Variants in SIRT2 observed in about 807,000 individuals in gnomAD.
SIRT2 encodes the protein NAD-dependent protein deacetylase sirtuin-2.
SIRT2 carries 40 observed loss-of-function variants against 57.4 expected under a neutral mutation model. The ratio of observed to expected loss-of-function variants is 0.70; its 90% CI spans 0.54 to 0.91. SIRT2 has a LOEUF of 0.91. SIRT2 is among the 40% of genes least tolerant of loss of function. SIRT2 has a pLI of 0.00. For missense variants in SIRT2, 439 were observed against 510.4 expected (o/e 0.86, Z 1.35); for synonymous variants, 161 against 195.7 (o/e 0.82, Z 1.48).
At chr19:38,885,161 C>CT (rs1973286043) in intron 8 of SIRT2, among the ~76,000 whole-genome samples, 1 of 151,708 alleles carries the variant, frequency 6.6e-6, no homozygotes, top group African/African-American at 2.4e-5. Context: ...TCACAGCTCA[C>CT]TGTAGCCTTC....
Position 38,881,111 on chromosome 19 carries a change from A to G in SIRT2, c.736T>C (p.Cys246Arg), listed in dbSNP as rs1471244776. Reference sequence around the variant, plus strand: ...GGGGGGCCACTTACTGACTGCATACAGGAGAAGAAACGCGCTGGGAGGCTC... The same window carrying G: ...GGGGGGCCACTTACTGACTGCATACGGGAGAAGAAACGCGCTGGGAGGCTC... ...GESLPARFFS[C>R]MQSDFLKVDL... The change falls in exon 11 of 16, where the codon TGT becomes CGT. Residue 246 changes from cysteine to arginine, a missense_variant. By Grantham distance (180) the Cys-to-Arg change is radical. Coordinates refer to ENST00000249396, the MANE Select transcript of SIRT2 (RefSeq NM_012237.4). 6 of 1,613,426 alleles carry G rather than the reference A, an allele frequency of 3.7e-6. No individual in the cohort carries two copies. Among genetic ancestry groups the G allele is most frequent in the Non-Finnish European group, 5.1e-6 (6 of 1,179,796 alleles).
rs202164174 is a variant in SIRT2, at chr19:38,883,768, G to A, written c.502-12C>T. On this transcript the variant is annotated splice_polypyrimidine_tract_variant and intron_variant, in intron 8 of 15. Transcript: ENST00000249396. The stretch of plus-strand genomic sequence containing the variant: ...AGGGTATCTATGTTCTAGAGGGAGA[G>A]ATGGAGGGAAGAGGGGTGAGGAGTG... 67 of 1,613,694 alleles carry A rather than the reference G, an allele frequency of 4.2e-5. No homozygotes were observed. The highest frequency in any genetic ancestry group is 5.7e-5 in the Non-Finnish European group (67 of 1,179,804).
At chr19:38,882,909 T>G (rs571206398) in intron 9 of SIRT2, among the ~76,000 whole-genome samples, 16 of 152,024 alleles carry the variant, frequency 1.1e-4, no homozygotes, top group Non-Finnish European at 1.9e-4. Context: ...TCAGGAATCC[T>G]CAGCCCAGGG....
chr19:38,892,675 ACAATC>A (rs1321061879), intron 4 of SIRT2, among the ~76,000 whole-genome samples: 1 of 151,892 alleles, frequency 6.6e-6, no homozygotes, highest in South Asian at 2.1e-4. Flanking sequence ...CTGGGCTCAA[ACAATC>A]CTCCCTTCTC....
intron 8 of SIRT2, 67 bp from the exon 9 acceptor site, chr19:38,883,823 T>C: frequency 1.3e-6 from 2 of 1,575,846 alleles, no homozygotes; most frequent in East Asian, 2.3e-5. Flanking sequence ...GAAGGCACAG[T>C]AGGGAGTTGA....
chr19:38,893,314 T>C (rs1445353838), intron 4 of SIRT2, 100 bp downstream of exon 4: 3 of 766,314 alleles, frequency 3.9e-6, no homozygotes, highest in Non-Finnish European at 6.8e-6. Flanking sequence ...TTGCTACTTA[T>C]AAAGAAAAGG....
chr19:38,895,444 C>T (rs1973686315), intron 2 of SIRT2, among the ~76,000 whole-genome samples: 1 of 152,168 alleles, frequency 6.6e-6, no homozygotes, highest in South Asian at 2.1e-4. Flanking sequence ...TCCAGGAGCT[C>T]CTCTACCTTG....
chr19:38,879,359 G>A (rs200227522), intron 15 of SIRT2, 49 bp from the exon 16 acceptor site: 106 of 1,608,302 alleles, frequency 6.6e-5, no homozygotes, highest in Non-Finnish European at 8.3e-5. Flanking sequence ...GCATCATGGG[G>A]TCAGAGGACC....
intron 14 of SIRT2, 55 bp downstream of exon 14, chr19:38,879,577 G>T (rs45496398): frequency 1.0e-5 from 16 of 1,552,142 alleles, no homozygotes; most frequent in Admixed American, 9.7e-5. Flanking sequence ...TCGTGCCCCC[G>T]CTCCCACCTC....
chr19:38,879,933 C>T (rs1224102577), intron 13 of SIRT2: 2 of 537,394 alleles, frequency 3.7e-6, no homozygotes, highest in Non-Finnish European at 6.7e-6. Context: ...TCAAGTGATT[C>T]TCCCGCCTCA....
At position 38,889,179 on chromosome 19, in the gene SIRT2, G is replaced by A. The variant is rs879043995; in HGVS notation, c.433-24C>T. 1.9e-6 allele frequency: 3 copies of A among 1,607,786 alleles called. No homozygotes were observed. The South Asian group carries it at 3.3e-5, about 18-fold the overall frequency. ...GGCTGCAGGGAAGAGCGACAGCACT[G>A]CTGACGACTGCAGGGAACAGCCACA... is the stretch of plus-strand genomic sequence containing the variant. On this transcript the variant is annotated intron_variant, in intron 7 of 15. Transcript: ENST00000249396.
chr19:38,888,347 A>G (rs926401263), intron 8 of SIRT2, among the ~76,000 whole-genome samples: 1 of 151,956 alleles, frequency 6.6e-6, no homozygotes. Flanking sequence ...TAATTTTTGT[A>G]TTTCTTGTAG....
intron 8 of SIRT2, among the ~76,000 whole-genome samples, chr19:38,888,313 C>T (rs1973407291): frequency 1.3e-5 from 2 of 152,226 alleles, no homozygotes. Context: ...GCTGGGGCTA[C>T]AGGCACACGC....
intron 9 of SIRT2, among the ~76,000 whole-genome samples, chr19:38,881,870 T>C (rs1973165555): frequency 6.6e-6 from 1 of 151,658 alleles, no homozygotes; most frequent in Admixed American, 6.6e-5. Context: ...GTATTTTTTG[T>C]AGAGACAGGG....
intron 7 of SIRT2, 127 bp from the exon 8 acceptor site, chr19:38,889,282 C>T (rs779385363): frequency 1.6e-5 from 13 of 815,522 alleles, no homozygotes; most frequent in South Asian, 5.7e-5. Context: ...GCAGCCGCGT[C>T]GGGGAGAGAC....
At chr19:38,894,102 G>GCTTTT in intron 2 of SIRT2, 1 of 762,768 alleles carries the variant, frequency 1.3e-6, no homozygotes, top group South Asian at 2.0e-5. Context: ...GCTTTGCTTT[G>GCTTTT]CTTTTCTTTT....
chr19:38,881,148 G>T lies in SIRT2; in HGVS notation c.699C>A (p.Val233=), dbSNP rs763577111. The change falls in exon 11 of 16, where the codon GTC becomes GTA. Residue 233 remains valine (V), a synonymous_variant. Transcript: ENST00000249396. ...GCGCTGGGAGGCTCTCACCAAAAAA[G>T]ACGATATCTGAGGTGGAGACAGATG... is the stretch of plus-strand genomic sequence containing the variant. ...DCQSLVKPDI[V]FFGESLPARF... 6.2e-7 allele frequency: 1 copy of T among 1,612,904 alleles called. No homozygotes were observed. The highest frequency in any genetic ancestry group is 8.5e-7 in the Non-Finnish European group (1 of 1,179,594).
chr19:38,881,038 A>G (rs1418363972), intron 11 of SIRT2, 62 bp downstream of exon 11: 22 of 1,565,892 alleles, frequency 1.4e-5, no homozygotes, highest in Non-Finnish European at 1.9e-5. Flanking sequence ...GGCTGCCCCC[A>G]TGGGGCCCAG....
At chr19:38,899,396 A>C in intron 1 of SIRT2, 110 bp downstream of exon 1, 1 of 1,259,384 alleles carries the variant, frequency 7.9e-7, no homozygotes, top group Non-Finnish European at 1.1e-6. Context: ...CCACTCCCCG[A>C]AGCGCTCCCT....
Sources: allele counts gnomAD v4.1 joint callset (sites outside exome capture counted in the v4.1 genomes callset), GRCh38; gene constraint gnomAD v4.1.1; transcripts MANE v1.5; gene names NCBI Gene and HGNC (gene_info 2026-07-23, HGNC 2026-07-21).